SETBP1: variants seen among roughly 807,000 people sequenced by gnomAD.
SETBP1 encodes the protein SET-binding protein.
A neutral mutation model predicts 101.0 loss-of-function variants in SETBP1; 9 were observed. The observed-to-expected ratio is 0.09, with a 90% CI of 0.05 to 0.16. SETBP1 has a LOEUF of 0.16. Ranked by LOEUF, SETBP1 falls within the 10% of genes least tolerant of loss-of-function variation. The pLI, the probability that SETBP1 is intolerant of heterozygous loss-of-function variation, is 1.00. For synonymous variants in SETBP1, 818 were observed against 788.5 expected (o/e 1.04, Z -0.63); for missense variants, 1,858 against 2,033.8 (o/e 0.91, Z 1.66).
At chr18:44,841,179 T>C (rs145030984) in intron 2 of SETBP1, among the ~76,000 whole-genome samples, 2,064 of 152,316 alleles carry the variant, frequency 0.014, 25 homozygotes, top group Non-Finnish European at 0.018. Flanking sequence ...ATGTTGGCCA[T>C]GGCTGTAGTC....
At chr18:45,008,496 C>G (rs1211178859) in intron 4 of SETBP1, among the ~76,000 whole-genome samples, 2 of 152,166 alleles carry the variant, frequency 1.3e-5, no homozygotes, top group East Asian at 3.9e-4. Context: ...AGATTCCATG[C>G]TGTTGCTCTC....
chr18:45,054,615 T>C (rs1240788349), intron 5 of SETBP1, among the ~76,000 whole-genome samples: 4 of 152,226 alleles, frequency 2.6e-5, no homozygotes, highest in Non-Finnish European at 2.9e-5. Context: ...GGAGCTATAA[T>C]CTCATCTTTT....
At chr18:44,954,394 C>G (rs1338486472) in intron 4 of SETBP1, among the ~76,000 whole-genome samples, 1 of 150,360 alleles carries the variant, frequency 6.7e-6, no homozygotes, top group Non-Finnish European at 1.5e-5. Flanking sequence ...AGTATAAAAC[C>G]CTCCAGCCAA....
chr18:44,690,134 T>A (rs1056923008), intron 1 of SETBP1, among the ~76,000 whole-genome samples: 14 of 152,210 alleles, frequency 9.2e-5, no homozygotes, highest in Admixed American at 3.9e-4. Context: ...TGGGCCGCTC[T>A]GGGGAACATA....
Position 44,801,378 on chromosome 18 carries a change from G to A in SETBP1, c.487-67852G>A, listed in dbSNP as rs779894772. On this transcript the variant is annotated intron_variant, in intron 2 of 5. Coordinates refer to ENST00000649279, the MANE Select transcript of SETBP1 (RefSeq NM_015559.3). ...CAGCTACTCTTGTAGCTTGAGTGAG[G>A]GTTGAGGATGGGGCATTAGACAGAG... is the stretch of plus-strand genomic sequence containing the variant. Among the ~76,000 whole-genome samples, 102 of 152,172 alleles carry A rather than the reference G, an allele frequency of 6.7e-4. 3 individuals are homozygous for A. The highest frequency in any genetic ancestry group is 1.2e-4 in the Non-Finnish European group (8 of 68,028).
chr18:44,914,881 G>A (rs1218637272), intron 3 of SETBP1, among the ~76,000 whole-genome samples: 1 of 152,068 alleles, frequency 6.6e-6, no homozygotes. Context: ...ACGTCCTGAG[G>A]ACAGGTGCTT....
intron 4 of SETBP1, among the ~76,000 whole-genome samples, chr18:44,971,405 T>A (rs1446504056): frequency 6.6e-6 from 1 of 152,210 alleles, no homozygotes; most frequent in Non-Finnish European, 1.5e-5. Flanking sequence ...ATGGGATGGC[T>A]GGGTCAAATG....
intron 2 of SETBP1, among the ~76,000 whole-genome samples, chr18:44,786,097 A>G (rs1401102943): frequency 6.6e-6 from 1 of 152,226 alleles, no homozygotes; most frequent in Non-Finnish European, 1.5e-5. Context: ...TGATGAAACT[A>G]GCAGAGATAT....
intron 3 of SETBP1, among the ~76,000 whole-genome samples, chr18:44,948,214 G>T (rs1858106108): frequency 6.6e-6 from 1 of 152,078 alleles, no homozygotes; most frequent in African/African-American, 2.4e-5. Flanking sequence ...TTTCTCCTGG[G>T]TATTTGCAGG....
At chr18:44,876,937 A>G in intron 3 of SETBP1, 1 of 1,353,786 alleles carries the variant, frequency 7.4e-7, no homozygotes, top group Non-Finnish European at 9.5e-7. Context: ...CAGCTTCACA[A>G]TGCTGCCCTG....
At chr18:44,831,645 C>T (rs1381970770) in intron 2 of SETBP1, among the ~76,000 whole-genome samples, 1 of 152,136 alleles carries the variant, frequency 6.6e-6, no homozygotes, top group Admixed American at 6.5e-5. Context: ...GTACTTATCG[C>T]CTCAGGTTAT....
rs561817086 is a variant in SETBP1, at chr18:44,960,101, T to C, written c.4000+6761T>C. ...TAGTAGAGACAGGGTCTCACCATGT[T>C]GGCCGGGCTTGTCTTGAACTCCTGA... On this transcript the variant is annotated intron_variant, in intron 4 of 5. Coordinates refer to ENST00000649279, the MANE Select transcript of SETBP1 (RefSeq NM_015559.3). 5.6e-4 allele frequency among the ~76,000 whole-genome samples: 85 copies of C among 152,258 alleles called. 1 individual carries two copies. The highest frequency in any genetic ancestry group is 9.1e-4 in the Non-Finnish European group (62 of 68,024).
At chr18:44,773,239 A>T (rs187003589) in intron 2 of SETBP1, among the ~76,000 whole-genome samples, 3 of 152,374 alleles carry the variant, frequency 2.0e-5, no homozygotes, top group East Asian at 3.8e-4. Flanking sequence ...ACTATCTATT[A>T]GTGGGCATGC....
At chr18:44,809,049 A>G (rs1052710919) in intron 2 of SETBP1, among the ~76,000 whole-genome samples, 1 of 152,208 alleles carries the variant, frequency 6.6e-6, no homozygotes, top group East Asian at 1.9e-4. Context: ...CAGTGAGAAT[A>G]GTGCCTTTTT....
chr18:44,743,116 G>A (rs2057274363), intron 2 of SETBP1, among the ~76,000 whole-genome samples: 1 of 150,450 alleles, frequency 6.6e-6, no homozygotes, highest in South Asian at 2.1e-4. Flanking sequence ...CTGCTTCCCT[G>A]CCTTCCCTTC....
At chr18:44,717,838 G>C (rs1033124464) in intron 2 of SETBP1, among the ~76,000 whole-genome samples, 1 of 152,176 alleles carries the variant, frequency 6.6e-6, no homozygotes, top group Non-Finnish European at 1.5e-5. Flanking sequence ...GAAGGTCAGA[G>C]AGGTTGAAGT....
At chr18:45,062,150 G>T (rs1022428481) in intron 5 of SETBP1, among the ~76,000 whole-genome samples, 3 of 152,230 alleles carry the variant, frequency 2.0e-5, no homozygotes, top group East Asian at 1.9e-4. Context: ...GCTTTATGGT[G>T]TCTGAACTTC....
chr18:44,817,154 C>T (rs190845027), intron 2 of SETBP1, among the ~76,000 whole-genome samples: 4 of 152,132 alleles, frequency 2.6e-5, no homozygotes, highest in South Asian at 2.1e-4. Context: ...TAGGGTAGAA[C>T]GAAGAGCATT....
intron 5 of SETBP1, among the ~76,000 whole-genome samples, chr18:45,045,788 G>A (rs112222656): frequency 1.3e-5 from 2 of 152,072 alleles, no homozygotes; most frequent in African/African-American, 4.8e-5. Flanking sequence ...TAATCCTTGG[G>A]AAAAGTTTAG....
Sources: gnomAD v4.1 joint callset for allele counts (sites outside exome capture counted in the v4.1 genomes callset) on GRCh38, gnomAD v4.1.1 for gene constraint, MANE v1.5 for transcripts, NCBI Gene and HGNC (gene_info 2026-07-23, HGNC 2026-07-21) for gene names.